The following POLR3A variants were observed in gnomAD, a reference collection of about 807,000 sequenced individuals.
The protein encoded by POLR3A is DNA-directed RNA polymerase III subunit RPC1.
POLR3A carries 112 observed loss-of-function variants against 152.8 expected under a neutral mutation model. That is an observed-to-expected ratio of 0.73 (90% CI 0.63 to 0.86). The LOEUF (loss-of-function observed/expected upper bound fraction) is 0.86, where lower values mean the gene tolerates loss of function less well. Ranked by LOEUF, POLR3A falls within the 40% of genes least tolerant of loss-of-function variation. POLR3A has a pLI of 0.00. For missense variants in POLR3A, 1,385 were observed against 1,743.1 expected, an observed-to-expected ratio of 0.79 and a Z score of 3.66; for synonymous variants, 615 against 652.1, an observed-to-expected ratio of 0.94 and a Z score of 0.87.
At chr10:78,024,903 C>G (rs1441066441) in intron 4 of POLR3A, 68 bp downstream of exon 4, 8 of 1,568,136 alleles carry the variant, frequency 5.1e-6, no homozygotes, top group Non-Finnish European at 7.0e-6. Flanking sequence ...TTATGTAAAC[C>G]TAATAAACTA....
chr10:77,986,238 T>G, intron 21 of POLR3A, 79 bp from the exon 22 acceptor site: 1 of 815,028 alleles, frequency 1.2e-6, no homozygotes, highest in Non-Finnish European at 2.2e-6. Context: ...AAACCTCAGT[T>G]GTATATGACA....
At chr10:78,009,480 G>A (rs1847442999) in intron 14 of POLR3A, 57 bp downstream of exon 14, 5 of 1,610,936 alleles carry the variant, frequency 3.1e-6, no homozygotes, top group Non-Finnish European at 3.4e-6. Context: ...CTGATGACCA[G>A]CCACTTGCTT....
chr10:78,022,759 A>C (rs1470384563), intron 5 of POLR3A, among the ~76,000 whole-genome samples: 2 of 152,222 alleles, frequency 1.3e-5, no homozygotes, highest in Non-Finnish European at 2.9e-5. Context: ...TTATTGGCTA[A>C]ATAAAATCAC....
At chr10:78,011,459 G>A (rs1006043496) in intron 11 of POLR3A, among the ~76,000 whole-genome samples, 2 of 152,192 alleles carry the variant, frequency 1.3e-5, no homozygotes, top group African/African-American at 2.4e-5. Context: ...ATGCACATGT[G>A]TATTTGTGGG....
chr10:78,017,915 T>G (rs1336631329), intron 9 of POLR3A, among the ~76,000 whole-genome samples, 199 bp from the exon 10 acceptor site: 1 of 152,144 alleles, frequency 6.6e-6, no homozygotes, highest in African/African-American at 2.4e-5. Context: ...GACTCACTCT[T>G]GTAATCTCAG....
chr10:78,002,418 G>A (rs1255835342), intron 16 of POLR3A, 110 bp from the exon 17 acceptor site: 21 of 781,638 alleles, frequency 2.7e-5, no homozygotes, highest in South Asian at 5.9e-5. Flanking sequence ...CAAGATGCCC[G>A]ATTTCCGATC....
At position 78,011,137 on chromosome 10, in the gene POLR3A, T is replaced by G. The variant is rs141845262; in HGVS notation, c.1573-597A>C. Among the ~76,000 whole-genome samples, 11 of 152,302 alleles carry G rather than the reference T, an allele frequency of 7.2e-5. No individual in the cohort carries two copies. The East Asian group carries it at 1.4e-3, about 19-fold the overall frequency. On this transcript the variant is annotated intron_variant, in intron 11 of 30. Transcript: ENST00000372371. ...TGCTGGTATTACAGGCATGAGCTAC[T>G]GCACCCAGCCCTATTGTTATTACTA... is the stretch of plus-strand genomic sequence containing the variant.
chr10:77,993,172 C>T (rs754528073), intron 20 of POLR3A, 25 bp downstream of exon 20: 2 of 1,583,904 alleles, frequency 1.3e-6, no homozygotes, highest in Non-Finnish European at 8.7e-7. Context: ...AACACTCTAA[C>T]CCCAGATATA....
rs369082686 is a variant in POLR3A, at chr10:78,004,798, T to C, written c.2165A>G (p.Lys722Arg). Residue 722 changes from lysine to arginine, a missense_variant, in exon 16 of 31, where the codon AAG (lysine) becomes AGG (arginine). Transcript: ENST00000372371. ...AKYELLNAGYKKCDEYIEALN... is the reference protein window; with the variant it reads ...AKYELLNAGYRKCDEYIEALN... ...GGCTTCGATGTACTCATCACATTTC[T>C]TGTAGCCGGCATTCAGCAACTCATA... 1.4e-5 allele frequency: 22 copies of C among 1,614,104 alleles called. No individual in the cohort carries two copies. In the African/African-American group the frequency reaches 2.5e-4, roughly 19 times the overall value.
intron 1 of POLR3A, among the ~76,000 whole-genome samples, chr10:78,028,609 T>C (rs1421642624): frequency 6.6e-6 from 1 of 151,944 alleles, no homozygotes; most frequent in Non-Finnish European, 1.5e-5. Context: ...GCTCAAGTGA[T>C]TTTTCGGCCT....
chr10:78,024,927 G>A (rs1308790686), intron 4 of POLR3A, 44 bp downstream of exon 4: 24 of 1,597,340 alleles, frequency 1.5e-5, no homozygotes, highest in Non-Finnish European at 2.1e-5. Context: ...AGAAGACAGT[G>A]AGTGAAAAGG....
Position 78,025,657 on chromosome 10 carries a change from C to A in POLR3A, c.283G>T (p.Val95Leu). The change falls in exon 3 of 31, where the codon GTA becomes TTA. Residue 95 changes from valine to leucine, a missense_variant. By Grantham distance (32) the Val-to-Leu change is conservative. Around this residue, in one of 7 missense-constraint regions of POLR3A, gnomAD observed 493 missense variants for 647.5 expected, o/e 0.76. Transcript: ENST00000372371. ...YIDLELPCFH[V>L]GYFRAVIGIL... The stretch of plus-strand genomic sequence containing the variant: ...CCTATGACTGCTCTGAAGTACCCTA[C>A]ATGAAAACACGGCAACTCCAGGTCG... The A allele has an allele frequency of 6.2e-7, 1 of 1,614,176 alleles. No homozygotes were observed.
At chr10:77,982,847 GAT>G in intron 26 of POLR3A, 30 bp from the exon 27 acceptor site, 3 of 1,608,264 alleles carry the variant, frequency 1.9e-6, no homozygotes, top group Non-Finnish European at 2.6e-6. Flanking sequence ...AGGTGTTACT[GAT>G]TCCAGTGTTG....
rs35536566 is a variant in POLR3A, at chr10:78,001,060, A to G, written c.2394T>C (p.Cys798=). The part of the protein sequence containing the change: ...SFINISQMIA[C]VGQQAISGSR... The stretch of plus-strand genomic sequence containing the variant: ...AGCCACTGATGGCCTGCTGTCCCAC[A>G]CAGGCAATCATCTGTGATATGTTAA... The change falls in exon 18 of 31, where the codon TGT becomes TGC. Residue 798 remains cysteine, a synonymous_variant. Transcript: ENST00000372371. 62,396 of 1,607,162 alleles carry G rather than the reference A, an allele frequency of 0.039. 2,775 individuals carry two copies. The highest frequency in any genetic ancestry group is 0.21 in the East Asian group (9,385 of 44,776).
chr10:77,980,361 AC>A (rs1305093676), intron 29 of POLR3A, 88 bp from the exon 30 acceptor site: 1 of 1,298,192 alleles, frequency 7.7e-7, no homozygotes, highest in African/African-American at 1.5e-5. Flanking sequence ...AATACAATCA[AC>A]AAAAATCCTC....
In POLR3A at chr10:77,977,018, T is replaced by A. The variant is rs756096581; in HGVS notation, c.*460A>T. The A allele has an allele frequency of 6.1e-6, 1 of 163,540 alleles. No homozygotes were observed. The highest frequency in any genetic ancestry group is 2.4e-5 in the African/African-American group (1 of 41,720). The allele number at this position is 163,540 out of a possible 1,614,324, so 10.1% of individuals were successfully genotyped here. ...TAGTAACAATATTTACATAAGTATGTCACATTGAGAGATTCCAGCATGACC... is the reference window on the plus strand; with the variant it reads ...TAGTAACAATATTTACATAAGTATGACACATTGAGAGATTCCAGCATGACC... On this transcript the variant is annotated 3_prime_UTR_variant, in exon 31 of 31. Transcript: ENST00000372371.
At chr10:78,025,354 T>C (rs1269991984) in intron 3 of POLR3A, among the ~76,000 whole-genome samples, 4 of 152,234 alleles carry the variant, frequency 2.6e-5, no homozygotes, top group Non-Finnish European at 4.4e-5. Flanking sequence ...GTTACCTTTA[T>C]CTTTTTCTTT....
intron 17 of POLR3A, 56 bp from the exon 18 acceptor site, chr10:78,001,150 G>A: frequency 1.1e-6 from 1 of 944,312 alleles, no homozygotes; most frequent in Non-Finnish European, 1.7e-6. Context: ...ACTAATTGAA[G>A]TGCATGCAGA....
In POLR3A at chr10:78,009,880, G is replaced by A. The variant is rs141758442; in HGVS notation, c.1754C>T (p.Pro585Leu). The change falls in exon 13 of 31, where the codon CCG (proline) becomes CTG (leucine). Residue 585 changes from proline (P) to leucine (L), a missense_variant. Coordinates refer to ENST00000372371, the MANE Select transcript of POLR3A (RefSeq NM_007055.4). The stretch of plus-strand genomic sequence containing the variant: ...CACACACACCTTTAGGATTGTAGGC[G>A]GTGGGAGGCGAACTTTAATTTTCTC... Reference protein sequence around the residue: ...KDEKIKVRLPPPTILKPVTLW... With the variant: ...KDEKIKVRLPLPTILKPVTLW... 1.1e-5 allele frequency: 17 copies of A among 1,613,958 alleles called. No individual in the cohort carries two copies. The highest frequency in any genetic ancestry group is 5.3e-5 in the African/African-American group (4 of 74,886).
Sources: gnomAD v4.1 joint callset for allele counts (sites outside exome capture counted in the v4.1 genomes callset) on GRCh38, gnomAD v4.1.1 for gene constraint, gnomAD v4.1.1 regional missense constraint, MANE v1.5 for transcripts, NCBI Gene and HGNC (gene_info 2026-07-23, HGNC 2026-07-21) for gene names.